Variants in SPAG16 observed in about 807,000 individuals in gnomAD.
SPAG16 encodes sperm associated antigen 16, also known as sperm-associated antigen 16 protein.
A neutral mutation model predicts 80.4 loss-of-function variants in SPAG16; 86 were observed. The observed-to-expected ratio is 1.07, with a 90% confidence interval of 0.90 to 1.28. The LOEUF (loss-of-function observed/expected upper bound fraction) is 1.28. Ranked by LOEUF, SPAG16 falls within the 50% of genes most tolerant of loss-of-function variation. The pLI is 0.00. For synonymous variants in SPAG16, 294 were observed against 265.9 expected (o/e 1.11, Z -1.03); for missense variants, 870 against 765.3 (o/e 1.14, Z -1.61).
intron 10 of SPAG16, among the ~76,000 whole-genome samples, chr2:213,528,884 G>A (rs1445976852): frequency 2.0e-5 from 3 of 152,112 alleles, no homozygotes; most frequent in African/African-American, 7.2e-5. Context: ...GCAGGCCATG[G>A]GTTGGACAAG....
chr2:214,248,322 ATTATTATT>A (rs1396629845), intron 15 of SPAG16, among the ~76,000 whole-genome samples: 1 of 124,162 alleles, frequency 8.1e-6, no homozygotes, highest in East Asian at 2.3e-4. Flanking sequence ...TATTATTATT[ATTATTATT>A]ATTATTGAGA....
chr2:213,777,401 A>C (rs1224484228), intron 10 of SPAG16, among the ~76,000 whole-genome samples: 1 of 150,974 alleles, frequency 6.6e-6, no homozygotes, highest in African/African-American at 2.4e-5. Context: ...CATGTACCAC[A>C]ACGCCCAACT....
intron 11 of SPAG16, among the ~76,000 whole-genome samples, chr2:213,873,088 A>C (rs1217500172): frequency 1.3e-5 from 2 of 152,064 alleles, no homozygotes; most frequent in Non-Finnish European, 2.9e-5. Flanking sequence ...TAAGTTAGGC[A>C]GTGTTCCCTC....
chr2:213,518,338 G>A (rs1044803193), intron 10 of SPAG16, among the ~76,000 whole-genome samples: 20 of 152,128 alleles, frequency 1.3e-4, no homozygotes, highest in African/African-American at 4.6e-4. Context: ...CATGATCATC[G>A]CTTACTGCAA....
In SPAG16 at chr2:213,310,172, T is replaced by C. The variant is rs767780923; in HGVS notation, c.393T>C (p.Ser131=). Residue 131 remains serine, a synonymous_variant, in exon 4 of 16, where the codon TCT becomes TCC. Transcript: ENST00000331683. The part of the protein sequence containing the change: ...GMTRTLDCFQ[S]EWYELIQKGV... ...CCAGAACTCTTGATTGCTTTCAGTC[T>C]GAATGGTAAACAATTATGTAGATAA... The C allele has an allele frequency of 3.2e-6, 5 of 1,585,258 alleles. No homozygotes were observed. The African/African-American group carries it at 5.4e-5, about 17-fold the overall frequency.
intron 15 of SPAG16, among the ~76,000 whole-genome samples, chr2:214,333,794 T>C (rs1476551342): frequency 6.6e-6 from 1 of 152,116 alleles, no homozygotes; most frequent in Non-Finnish European, 1.5e-5. Context: ...GGGCTTTGAA[T>C]GGGAAGAAAA....
intron 10 of SPAG16, among the ~76,000 whole-genome samples, chr2:213,639,686 C>G (rs2062512355): frequency 1.3e-5 from 2 of 152,082 alleles, no homozygotes; most frequent in African/African-American, 4.8e-5. Flanking sequence ...TTTCCTTTGT[C>G]TTGACTTTAA....
At chr2:214,119,019 TATG>T (rs2054086237) in intron 14 of SPAG16, among the ~76,000 whole-genome samples, 1 of 152,170 alleles carries the variant, frequency 6.6e-6, no homozygotes, top group Admixed American at 6.6e-5. Flanking sequence ...AGGTGATAGA[TATG>T]ATAATTATCC....
At chr2:214,340,036 T>C (rs987512526) in intron 15 of SPAG16, among the ~76,000 whole-genome samples, 2 of 152,124 alleles carry the variant, frequency 1.3e-5, no homozygotes, top group African/African-American at 4.8e-5. Flanking sequence ...TTACCTGAAG[T>C]TGCTAAGTTT....
intron 15 of SPAG16, among the ~76,000 whole-genome samples, chr2:214,328,434 A>T (rs917751730): frequency 6.6e-6 from 1 of 152,150 alleles, no homozygotes; most frequent in East Asian, 1.9e-4. Flanking sequence ...AAGTGTTGGG[A>T]TTACAGGCGT....
At chr2:213,411,186 G>C (rs1405423683) in intron 9 of SPAG16, among the ~76,000 whole-genome samples, 3 of 152,178 alleles carry the variant, frequency 2.0e-5, no homozygotes, top group African/African-American at 4.8e-5. Context: ...TCAACAACCA[G>C]AGGAAGGAAA....
intron 15 of SPAG16, among the ~76,000 whole-genome samples, chr2:214,348,987 A>C (rs1009045116): frequency 3.3e-5 from 5 of 151,722 alleles, no homozygotes; most frequent in Non-Finnish European, 7.3e-5. Context: ...TTTACAATTA[A>C]ATTTACAATT....
chr2:214,018,564 A>G (rs2047704174), intron 13 of SPAG16, among the ~76,000 whole-genome samples: 2 of 152,178 alleles, frequency 1.3e-5, no homozygotes, highest in African/African-American at 2.4e-5. Context: ...AACTGAATCC[A>G]TGGTATACTG....
chr2:214,223,167 T>C (rs1312581481), intron 15 of SPAG16, among the ~76,000 whole-genome samples: 1 of 152,146 alleles, frequency 6.6e-6, no homozygotes, highest in Non-Finnish European at 1.5e-5. Flanking sequence ...GGGGAGACTT[T>C]ATCTCACTGG....
intron 10 of SPAG16, among the ~76,000 whole-genome samples, chr2:213,716,752 T>C (rs1311550747): frequency 6.6e-6 from 1 of 152,238 alleles, no homozygotes; most frequent in Non-Finnish European, 1.5e-5. Context: ...TTGGCTACTC[T>C]GTCATCAGTG....
chr2:214,379,019 C>T (rs10804226), intron 15 of SPAG16, among the ~76,000 whole-genome samples: 41,398 of 152,130 alleles, frequency 0.27, 6,779 homozygotes, highest in South Asian at 0.51. Flanking sequence ...GCTCATCATA[C>T]CACCGTCTGG....
At chr2:213,356,472 T>C (rs1241310904) in intron 7 of SPAG16, among the ~76,000 whole-genome samples, 3 of 152,240 alleles carry the variant, frequency 2.0e-5, no homozygotes, top group African/African-American at 7.2e-5. Flanking sequence ...TAGTTTATTC[T>C]TGTGAGAGAG....
intron 15 of SPAG16, among the ~76,000 whole-genome samples, chr2:214,267,549 G>A (rs1325512303): frequency 5.9e-5 from 9 of 151,746 alleles, no homozygotes; most frequent in Admixed American, 5.9e-4. Flanking sequence ...ACTATTAAAA[G>A]AGAACATAAT....
intron 10 of SPAG16, among the ~76,000 whole-genome samples, chr2:213,553,179 A>G (rs2076837492): frequency 6.6e-6 from 1 of 152,190 alleles, no homozygotes; most frequent in Non-Finnish European, 1.5e-5. Context: ...TGACTAATAC[A>G]AGGAGACACT....
Sources: allele counts gnomAD v4.1 joint callset (sites outside exome capture counted in the v4.1 genomes callset), GRCh38; gene constraint gnomAD v4.1.1; transcripts MANE v1.5; gene names NCBI Gene and HGNC (gene_info 2026-07-23, HGNC 2026-07-21).